TTC28: variants seen among roughly 807,000 people sequenced by gnomAD.
TTC28 encodes the protein tetratricopeptide repeat domain 28, also known as tetratricopeptide repeat protein 28.
Under a neutral mutation model 198.0 loss-of-function variants are expected in TTC28, and 61 were observed. The observed-to-expected ratio is 0.31, with a 90% CI of 0.25 to 0.38. The LOEUF (loss-of-function observed/expected upper bound fraction) is 0.38, where lower values mean the gene tolerates loss of function less well. Ranked by LOEUF, TTC28 falls within the 10% of genes least tolerant of loss-of-function variation. TTC28 has a pLI of 1.00. For synonymous variants in TTC28, 1,171 were observed against 1,297.8 expected (o/e 0.90, Z 2.10); for missense variants, 2,678 against 3,164.0 (o/e 0.85, Z 3.69).
At chr22:28,088,021 A>C (rs1601605311) in intron 12 of TTC28, among the ~76,000 whole-genome samples, 1 of 152,312 alleles carries the variant, frequency 6.6e-6, no homozygotes, top group African/African-American at 2.4e-5. Flanking sequence ...GAGGATACAA[A>C]CAAATGGAAG....
intron 2 of TTC28, among the ~76,000 whole-genome samples, chr22:28,419,396 T>C (rs1444801011): frequency 6.6e-6 from 1 of 152,222 alleles, no homozygotes; most frequent in Non-Finnish European, 1.5e-5. Context: ...GATCATCTGA[T>C]AAGAAGTTAA....
At chr22:28,020,681 T>C (rs1938555326) in intron 13 of TTC28, among the ~76,000 whole-genome samples, 1 of 152,182 alleles carries the variant, frequency 6.6e-6, no homozygotes, top group African/African-American at 2.4e-5. Flanking sequence ...AGGATGAGCC[T>C]GTGTGCAGCT....
intron 2 of TTC28, among the ~76,000 whole-genome samples, chr22:28,544,790 T>A (rs2145942561): frequency 6.6e-6 from 1 of 152,320 alleles, no homozygotes; most frequent in East Asian, 1.9e-4. Context: ...CTCCTACCAG[T>A]GCCATAACAG....
chr22:28,534,102 G>C (rs979307855), intron 2 of TTC28, among the ~76,000 whole-genome samples: 4 of 152,078 alleles, frequency 2.6e-5, no homozygotes, highest in African/African-American at 7.2e-5. Context: ...GCAAAAGAAA[G>C]TACCATCAGA....
intron 5 of TTC28, among the ~76,000 whole-genome samples, chr22:28,295,191 G>A (rs1421410947): frequency 6.6e-6 from 1 of 152,124 alleles, no homozygotes; most frequent in Non-Finnish European, 1.5e-5. Context: ...TTCCTTCCTA[G>A]TGCCTGACCA....
intron 6 of TTC28, among the ~76,000 whole-genome samples, chr22:28,156,280 A>C (rs1271646458): frequency 6.6e-6 from 1 of 152,220 alleles, no homozygotes; most frequent in Non-Finnish European, 1.5e-5. Flanking sequence ...GAGAAACGCA[A>C]GTCAGGGTCA....
chr22:28,603,499 T>G (rs2146126055), intron 2 of TTC28, among the ~76,000 whole-genome samples: 1 of 152,306 alleles, frequency 6.6e-6, no homozygotes, highest in East Asian at 1.9e-4. Context: ...ATGATCCTCT[T>G]GCCTCAGCCT....
At chr22:28,306,769 A>T (rs940422536) in intron 2 of TTC28, 126 bp from the exon 3 acceptor site, 1 of 984,188 alleles carries the variant, frequency 1.0e-6, no homozygotes, top group African/African-American at 1.7e-5. Context: ...AACCTAGTGA[A>T]CAGTTGGTAA....
At chr22:28,432,547 C>T (rs990838295) in intron 2 of TTC28, among the ~76,000 whole-genome samples, 5 of 152,044 alleles carry the variant, frequency 3.3e-5, no homozygotes, top group Admixed American at 6.5e-5. Context: ...TATAATAGCC[C>T]AGTTCTTCTA....
At chr22:28,525,358 C>G (rs755516738) in intron 2 of TTC28, among the ~76,000 whole-genome samples, 2 of 152,100 alleles carry the variant, frequency 1.3e-5, no homozygotes, top group African/African-American at 2.4e-5. Context: ...TTCACCATGT[C>G]GCCCAGGCTA....
At chr22:28,452,231 T>C (rs1184684530) in intron 2 of TTC28, among the ~76,000 whole-genome samples, 4 of 150,814 alleles carry the variant, frequency 2.7e-5, no homozygotes, top group Admixed American at 6.6e-5. Context: ...CTACTAAAAA[T>C]ACAAAAAAAT....
At chr22:28,377,870 A>C (rs1212155151) in intron 2 of TTC28, among the ~76,000 whole-genome samples, 1 of 152,222 alleles carries the variant, frequency 6.6e-6, no homozygotes, top group Non-Finnish European at 1.5e-5. Flanking sequence ...AAACCAATAA[A>C]AATGAAACTA....
intron 5 of TTC28, among the ~76,000 whole-genome samples, chr22:28,274,189 T>C (rs1932266081): frequency 6.6e-6 from 1 of 152,222 alleles, no homozygotes; most frequent in Admixed American, 6.5e-5. Flanking sequence ...AATGAGTTAC[T>C]GGTAACTCCA....
chr22:27,984,275 C>T (rs1213656870), intron 22 of TTC28, among the ~76,000 whole-genome samples: 1 of 152,164 alleles, frequency 6.6e-6, no homozygotes, highest in East Asian at 1.9e-4. Flanking sequence ...GTCCCTCTGG[C>T]ATCACCGACA....
chr22:28,043,931 A>G (rs1939764145), intron 12 of TTC28, among the ~76,000 whole-genome samples: 2 of 152,292 alleles, frequency 1.3e-5, no homozygotes, highest in South Asian at 4.1e-4. Flanking sequence ...GAGACAAGTG[A>G]AAGCCATTCT....
rs1014804446 is a variant in TTC28, at chr22:28,166,440, C to A, written c.934-2841G>T. Among the ~76,000 whole-genome samples, 69 of 152,184 alleles carry A rather than the reference C, an allele frequency of 4.5e-4. 1 individual carries two copies. The highest frequency in any genetic ancestry group is 9.7e-5 in the African/African-American group (4 of 41,438). Reference sequence around the variant, plus strand: ...TGGTTGGAAGTAAAGCACTCCTCAGCAAATGTAAAAGAACACAAATTATAA... The same window carrying A: ...TGGTTGGAAGTAAAGCACTCCTCAGAAAATGTAAAAGAACACAAATTATAA... On this transcript the variant is annotated intron_variant, in intron 5 of 22. Coordinates refer to ENST00000397906, the MANE Select transcript of TTC28 (RefSeq NM_001145418.2).
At chr22:28,403,324 T>C (rs16986377) in intron 2 of TTC28, among the ~76,000 whole-genome samples, 12,157 of 152,248 alleles carry the variant, frequency 0.08, 799 homozygotes, top group African/African-American at 0.18. Context: ...GATTCCGTTA[T>C]GAATAAAGCC....
At position 28,378,051 on chromosome 22, in the gene TTC28, T is replaced by C. The variant is rs114704768; in HGVS notation, c.382-71408A>G. Among the ~76,000 whole-genome samples, 1,195 of 152,208 alleles carry C rather than the reference T, an allele frequency of 7.9e-3. 23 individuals carry two copies. The highest frequency in any genetic ancestry group is 0.027 in the African/African-American group (1,101 of 41,536). ...AAATGCAATGTCTCACATTTAAAAA[T>C]GCAGAGGGGGCCAGGTGAGGTGGCT... is the stretch of plus-strand genomic sequence containing the variant. On this transcript the variant is annotated intron_variant, in intron 2 of 22. Transcript: ENST00000397906.
chr22:28,058,726 T>C (rs1053037456), intron 12 of TTC28, among the ~76,000 whole-genome samples: 16 of 152,084 alleles, frequency 1.1e-4, no homozygotes, highest in Non-Finnish European at 2.1e-4. Flanking sequence ...AATTCATTAG[T>C]GAAATCATCT....
Sources: gnomAD v4.1 joint callset for allele counts (sites outside exome capture counted in the v4.1 genomes callset) on GRCh38, gnomAD v4.1.1 for gene constraint, MANE v1.5 for transcripts, NCBI Gene and HGNC (gene_info 2026-07-23, HGNC 2026-07-21) for gene names.